Variants in CFAP74 observed in about 807,000 individuals in gnomAD.
CFAP74 encodes the protein cilia and flagella associated protein 74.
CFAP74 carries 124 observed loss-of-function variants against 188.9 expected under a neutral mutation model. That is an observed-to-expected ratio of 0.66 (90% CI 0.57 to 0.76). The LOEUF (loss-of-function observed/expected upper bound fraction) is 0.76. CFAP74 is among the 30% of genes least tolerant of loss of function. The pLI is 0.00. For missense variants in CFAP74, 2,198 were observed against 2,165.2 expected, an observed-to-expected ratio of 1.02 and a Z score of -0.30; for synonymous variants, 956 against 916.7, an observed-to-expected ratio of 1.04 and a Z score of -0.77.
At chr1:1,922,565 G>T in intron 38 of CFAP74, 24 bp downstream of exon 38, 1 of 1,607,898 alleles carries the variant, frequency 6.2e-7, no homozygotes, top group Non-Finnish European at 8.5e-7. Flanking sequence ...AGGGCTCCCT[G>T]GCCTGGAGCC....
In CFAP74 at chr1:1,939,572, C is replaced by CA. The variant is rs1558003840; in HGVS notation, c.2877+21dup. 3.9e-6 allele frequency: 6 copies of CA among 1,531,272 alleles called. No individual in the cohort carries two copies. The Admixed American group carries it at 1.2e-4, about 30-fold the overall frequency. The allele number at this position is 1,531,272 out of a possible 1,614,324, so 94.9% of individuals were successfully genotyped here. A position where few individuals can be genotyped will look rare whatever the true frequency, so the allele number is the denominator to read the frequency against. On this transcript the variant is annotated intron_variant, in intron 24 of 38. Coordinates refer to ENST00000682832, the MANE Select transcript of CFAP74 (RefSeq NM_001304360.2). ...CTTCCCAGCCTCACCCCTCTTACCC[C>CA]AGGCCTGGCTGCAGGAGGTACCTTG...
chr1:1,988,785 T>C (rs1008307785), intron 3 of CFAP74, 104 bp downstream of exon 3: 13 of 1,232,884 alleles, frequency 1.1e-5, no homozygotes, highest in Non-Finnish European at 1.5e-5. Flanking sequence ...CTACAGCCTG[T>C]GGGAGGGAGG....
At position 1,974,211 on chromosome 1, in the gene CFAP74, G is replaced by A. The variant is rs890745466; in HGVS notation, c.501-13C>T. The stretch of plus-strand genomic sequence containing the variant: ...CCACATGGTGTTCCTTCAAACAAGA[G>A]GCAAAGCAGCTGGAGACGGGCCCCA... On this transcript the variant is annotated splice_polypyrimidine_tract_variant and intron_variant, in intron 6 of 38. Coordinates refer to ENST00000682832, the MANE Select transcript of CFAP74 (RefSeq NM_001304360.2). 2 of 1,581,368 alleles carry A rather than the reference G, an allele frequency of 1.3e-6. No individual in the cohort carries two copies. Among genetic ancestry groups the A allele is most frequent in the Non-Finnish European group, 1.7e-6 (2 of 1,159,558 alleles).
chr1:1,946,775 G>A (rs567179735), intron 19 of CFAP74, among the ~76,000 whole-genome samples: 10 of 152,346 alleles, frequency 6.6e-5, no homozygotes, highest in Non-Finnish European at 1.2e-4. Flanking sequence ...TGTGGCTTGC[G>A]TCCTGCACAG....
intron 1 of CFAP74, among the ~76,000 whole-genome samples, chr1:1,999,510 C>T (rs915991652): frequency 6.6e-6 from 1 of 152,156 alleles, no homozygotes; most frequent in Non-Finnish European, 1.5e-5. Context: ...GAGTCGCCCA[C>T]ATTTCAATTA....
chr1:1,963,041 C>G (rs1475159419), intron 14 of CFAP74, among the ~76,000 whole-genome samples: 1 of 152,190 alleles, frequency 6.6e-6, no homozygotes, highest in Non-Finnish European at 1.5e-5. Flanking sequence ...AAAGCACGGC[C>G]TTAATTCAGG....
At chr1:1,928,616 G>A (rs1040345842) in intron 27 of CFAP74, among the ~76,000 whole-genome samples, 168 bp downstream of exon 27, 5 of 152,218 alleles carry the variant, frequency 3.3e-5, no homozygotes, top group African/African-American at 1.2e-4. Flanking sequence ...GTCTTGGTGA[G>A]CAAGCTTTTT....
At chr1:1,936,855 G>A (rs563485846) in intron 25 of CFAP74, among the ~76,000 whole-genome samples, 2 of 151,346 alleles carry the variant, frequency 1.3e-5, no homozygotes, top group Admixed American at 6.6e-5. Context: ...GCAGTGAGCC[G>A]TGATTGCACC....
At chr1:1,937,724 C>T (rs906775796) in intron 25 of CFAP74, among the ~76,000 whole-genome samples, 2 of 152,162 alleles carry the variant, frequency 1.3e-5, no homozygotes, top group Non-Finnish European at 2.9e-5. Context: ...CACCAGCCAC[C>T]GCCTGGGGTC....
At chr1:1,974,358 C>T (rs1447495300) in intron 6 of CFAP74, among the ~76,000 whole-genome samples, 160 bp from the exon 7 acceptor site, 2 of 152,172 alleles carry the variant, frequency 1.3e-5, no homozygotes, top group East Asian at 3.8e-4. Flanking sequence ...GTCACCCAGA[C>T]ACTGAGGCCC....
At chr1:1,978,006 A>G (rs55863117) in intron 6 of CFAP74, among the ~76,000 whole-genome samples, 46,657 of 151,954 alleles carry the variant, frequency 0.31, 7,373 homozygotes, top group Non-Finnish European at 0.34. Flanking sequence ...ACGCCACCAC[A>G]CCCAGCTAAG....
intron 1 of CFAP74, among the ~76,000 whole-genome samples, chr1:2,001,777 T>C (rs1290021428): frequency 6.6e-6 from 1 of 152,086 alleles, no homozygotes; most frequent in Non-Finnish European, 1.5e-5. Flanking sequence ...CAGGCCACGG[T>C]GTCACCTCTG....
chr1:1,951,992 C>T (rs1277195524), intron 18 of CFAP74, among the ~76,000 whole-genome samples: 4 of 152,236 alleles, frequency 2.6e-5, no homozygotes, highest in African/African-American at 4.8e-5. Context: ...AGCTTTGGCT[C>T]AGCACGCAGG....
chr1:1,971,365 A>G (rs1656048889), intron 9 of CFAP74, among the ~76,000 whole-genome samples: 1 of 151,630 alleles, frequency 6.6e-6, no homozygotes. Context: ...ACACCTGCAC[A>G]CACACGGTCA....
In CFAP74 at chr1:1,970,643, C is replaced by G. The variant is rs776270364; in HGVS notation, c.1046+16G>C. 1.3e-5 allele frequency: 21 copies of G among 1,595,094 alleles called. No individual in the cohort carries two copies. The South Asian group carries it at 2.1e-4, about 16-fold the overall frequency. The stretch of plus-strand genomic sequence containing the variant: ...GGGCGGGTGCCTCCCGGTGGCACCT[C>G]TGCCACCACCCTCACCTCTTCTGGG... On this transcript the variant is annotated intron_variant, in intron 10 of 38. Coordinates refer to ENST00000682832, the MANE Select transcript of CFAP74 (RefSeq NM_001304360.2).
intron 18 of CFAP74, among the ~76,000 whole-genome samples, chr1:1,948,652 G>A (rs1199372084): frequency 7.0e-6 from 1 of 143,412 alleles, no homozygotes; most frequent in Non-Finnish European, 1.5e-5. Context: ...GCAGTGGTGT[G>A]ATCACAGCTC....
chr1:1,964,908 G>A lies in CFAP74; in HGVS notation c.1555C>T (p.Pro519Ser). Residue 519 changes from proline to serine, a missense_variant, in exon 13 of 39, where the codon CCG becomes TCG. Transcript: ENST00000682832. The part of the protein sequence containing the change: ...EFQGRPFNSK[P>S]ELLHFQDFDI... ...CTCACCTGGAAGTGGAGGAGCTCCG[G>A]TTTGCTGTTGAAGGGGCGTCCTTGG... 1 of 1,613,770 alleles carries A rather than the reference G, an allele frequency of 6.2e-7. No individual in the cohort carries two copies. The highest frequency in any genetic ancestry group is 1.1e-5 in the South Asian group (1 of 91,076).
rs775209981 is a variant in CFAP74 at position 1,988,956 on chromosome 1, C to A, written c.85G>T (p.Asp29Tyr). The change falls in exon 3 of 39, where the codon GAT (aspartate) becomes TAT (tyrosine). Residue 29 changes from aspartate (D) to tyrosine (Y), a missense_variant. Transcript: ENST00000682832. ...AGACATTTGATGTCAAACTCCGGAT[C>A]CTCTAATTCATCTCTTTCTAGAAAT... is the stretch of plus-strand genomic sequence containing the variant. ...LLEDERDELE[D>Y]PEFDIKCLLQ... The A allele has an allele frequency of 7.6e-6, 12 of 1,570,294 alleles. 1 individual carries two copies. In the South Asian group the frequency reaches 1.2e-4, roughly 16 times the overall value.
chr1:1,959,119 C>T lies in CFAP74; in HGVS notation c.1851+1G>A. On this transcript the variant is annotated splice_donor_variant, in intron 16 of 38. Transcript: ENST00000682832. LOFTEE classifies it high-confidence loss of function. Reference sequence around the variant, plus strand: ...GCTGGCTCGGACACCTTTGAACTCACCGAACATTTCTTTGTTGAACATTTC... The same window carrying T: ...GCTGGCTCGGACACCTTTGAACTCATCGAACATTTCTTTGTTGAACATTTC... 6.2e-7 allele frequency: 1 copy of T among 1,608,342 alleles called. No homozygotes were observed. The highest frequency in any genetic ancestry group is 8.5e-7 in the Non-Finnish European group (1 of 1,175,140).
Sources: gnomAD v4.1 joint callset for allele counts (sites outside exome capture counted in the v4.1 genomes callset) on GRCh38, gnomAD v4.1.1 for gene constraint, MANE v1.5 for transcripts, NCBI Gene and HGNC (gene_info 2026-07-23, HGNC 2026-07-21) for gene names.